The following SPHKAP variants were observed in gnomAD, a reference collection of about 807,000 sequenced individuals.
SPHKAP encodes SPHK1 interactor, AKAP domain containing.
In SPHKAP, 67 loss-of-function variants were observed where a neutral mutation model predicts 137.5. The ratio of observed to expected loss-of-function variants is 0.49; its 90% CI spans 0.40 to 0.60. The LOEUF (loss-of-function observed/expected upper bound fraction) is 0.60, where lower values mean the gene tolerates loss of function less well. SPHKAP is among the 20% of genes least tolerant of loss of function. The pLI, the probability that SPHKAP is intolerant of heterozygous loss-of-function variation, is 0.00. For missense variants in SPHKAP, 2,097 were observed against 2,069.3 expected (o/e 1.01, Z -0.26); for synonymous variants, 813 against 785.3 (o/e 1.04, Z -0.59).
At chr2:228,002,974 T>C (rs956377238) in intron 7 of SPHKAP, among the ~76,000 whole-genome samples, 2 of 150,118 alleles carry the variant, frequency 1.3e-5, no homozygotes, top group African/African-American at 4.9e-5. Context: ...ACTGTAGCCT[T>C]GTAGTATAGT....
chr2:228,134,285 CAG>C lies in SPHKAP; in HGVS notation c.33-2202_33-2201del, dbSNP rs142769101. On this transcript the variant is annotated intron_variant, in intron 1 of 11. Coordinates refer to ENST00000392056, the MANE Select transcript of SPHKAP (RefSeq NM_001142644.2). Reference sequence around the variant, plus strand: ...AGAAATAAAGAAGGAAGGAAAGAAACAGAGGAAGAAAGCAGGAAAAAGAAATT... The same window carrying C: ...AGAAATAAAGAAGGAAGGAAAGAAACAGGAAGAAAGCAGGAAAAAGAAATT... 6.5e-3 allele frequency among the ~76,000 whole-genome samples: 988 copies of C among 152,026 alleles called. 6 individuals are homozygous for C. Among genetic ancestry groups the C allele is most frequent in the Non-Finnish European group, 0.01 (702 of 67,942 alleles).
chr2:228,144,069 G>C (rs1699690962), intron 1 of SPHKAP, among the ~76,000 whole-genome samples: 2 of 152,108 alleles, frequency 1.3e-5, no homozygotes, highest in South Asian at 4.1e-4. Flanking sequence ...CGTGCGTTGA[G>C]ATCTGCACAT....
chr2:228,130,075 C>T (rs1209564411), intron 2 of SPHKAP, among the ~76,000 whole-genome samples: 2 of 152,126 alleles, frequency 1.3e-5, no homozygotes, highest in African/African-American at 2.4e-5. Context: ...GGATTACAGG[C>T]ATGAGCGACC....
intron 1 of SPHKAP, among the ~76,000 whole-genome samples, chr2:228,179,285 A>G (rs1014933860): frequency 1.3e-5 from 2 of 152,230 alleles, no homozygotes; most frequent in Non-Finnish European, 1.5e-5. Context: ...TTTGCTGATC[A>G]TTGTTGGTTT....
intron 1 of SPHKAP, among the ~76,000 whole-genome samples, chr2:228,152,448 G>A (rs1043257577): frequency 4.6e-5 from 7 of 151,812 alleles, no homozygotes; most frequent in African/African-American, 1.5e-4. Flanking sequence ...GTTTTCTTTG[G>A]TTAGCCATTG....
intron 1 of SPHKAP, among the ~76,000 whole-genome samples, chr2:228,158,726 C>G (rs1700183927): frequency 1.3e-5 from 2 of 152,154 alleles, no homozygotes; most frequent in South Asian, 4.1e-4. Flanking sequence ...TACCCAATGG[C>G]ATGTTGGATG....
In SPHKAP at chr2:227,980,073, C is replaced by T. The variant is rs994100027; in HGVS notation, c.*1644G>A. The T allele has an allele frequency of 1.3e-5, 2 of 152,586 alleles. No individual in the cohort carries two copies. The highest frequency in any genetic ancestry group is 2.9e-5 in the Non-Finnish European group (2 of 68,026). 9.5% of individuals were successfully genotyped at this position (152,586 alleles called of 1,614,324 possible). On this transcript the variant is annotated 3_prime_UTR_variant, in exon 12 of 12. Transcript: ENST00000392056. ...AGATAAGTAAACATTTATTTGAGCA[C>T]AACAAAAGTCTACACACAGTATTCT...
intron 7 of SPHKAP, among the ~76,000 whole-genome samples, chr2:228,003,557 T>C (rs1046133031): frequency 4.6e-5 from 7 of 152,154 alleles, no homozygotes; most frequent in Non-Finnish European, 8.8e-5. Context: ...CCTTTATTTC[T>C]TTCCCCTGCC....
chr2:228,130,698 GA>G (rs1699222621), intron 2 of SPHKAP, among the ~76,000 whole-genome samples: 1 of 152,142 alleles, frequency 6.6e-6, no homozygotes, highest in Non-Finnish European at 1.5e-5. Context: ...GAGTTCAACA[GA>G]GTATACCTAA....
chr2:228,180,804 G>T (rs1393557306), intron 1 of SPHKAP, among the ~76,000 whole-genome samples: 1 of 152,210 alleles, frequency 6.6e-6, no homozygotes, highest in Non-Finnish European at 1.5e-5. Flanking sequence ...TCTTAATTTC[G>T]CAAAGGACTG....
At position 228,016,724 on chromosome 2, in the gene SPHKAP, G is replaced by T; in HGVS notation, c.4130C>A (p.Thr1377Asn). The change falls in exon 7 of 12, where the codon ACC (threonine) becomes AAC (asparagine). Residue 1377 changes from threonine to asparagine, a missense_variant. By Grantham distance (65) the Thr-to-Asn change is moderately conservative (BLOSUM62 0). Transcript: ENST00000392056. ...TGACACTGGGGGCTGTTTACATTCG[G>T]TAACAGAGTCTTTCCTCGGGCAATC... ...SLDCPRKDSV[T>N]ECKQPPVSSL... The T allele has an allele frequency of 1.2e-6, 2 of 1,614,082 alleles. No homozygotes were observed. The highest frequency in any genetic ancestry group is 1.7e-6 in the Non-Finnish European group (2 of 1,180,014).
chr2:228,030,827 G>A (rs1053537481), intron 3 of SPHKAP, among the ~76,000 whole-genome samples: 1 of 151,854 alleles, frequency 6.6e-6, no homozygotes, highest in Non-Finnish European at 1.5e-5. Context: ...AGAAAAATAA[G>A]CTAGTTTTCC....
chr2:228,131,637 T>C (rs1699254129), intron 2 of SPHKAP: 2 of 322,652 alleles, frequency 6.2e-6, no homozygotes, highest in Non-Finnish European at 8.9e-6. Context: ...TTTAGTAACT[T>C]AATATAATAT....
chr2:228,030,513 CAAAAAAAAAAAAA>C (rs11287311), intron 3 of SPHKAP, among the ~76,000 whole-genome samples: 2 of 48,776 alleles, frequency 4.1e-5, no homozygotes, highest in South Asian at 1.4e-3. Context: ...GATACCATCT[CAAAAAAAAAAAAA>C]AAAAAACAAC....
intron 1 of SPHKAP, among the ~76,000 whole-genome samples, chr2:228,140,532 C>A (rs895637729): frequency 6.6e-6 from 1 of 152,088 alleles, no homozygotes; most frequent in Non-Finnish European, 1.5e-5. Context: ...GTGTGCTTTA[C>A]ATACTAATTT....
chr2:228,109,795 G>T (rs1343907375), intron 2 of SPHKAP, among the ~76,000 whole-genome samples: 1 of 151,602 alleles, frequency 6.6e-6, no homozygotes, highest in Non-Finnish European at 1.5e-5. Context: ...GTGGGACCTC[G>T]TTTCTACTAA....
At position 228,141,015 on chromosome 2, in the gene SPHKAP, A is replaced by G. The variant is rs4519515; in HGVS notation, c.33-8930T>C. Among the ~76,000 whole-genome samples the G allele has an allele frequency of 5.8e-4, 88 of 152,136 alleles. 1 individual carries two copies. The South Asian group carries it at 0.018, about 32-fold the overall frequency. On this transcript the variant is annotated intron_variant, in intron 1 of 11. Transcript: ENST00000392056. ...TTTATAGCAAAAAAACAGCCTAATA[A>G]GACAAGATTATATTGCTGCCAAATA...
At chr2:228,109,410 T>C in intron 2 of SPHKAP, 4 of 979,070 alleles carry the variant, frequency 4.1e-6, no homozygotes, top group Non-Finnish European at 4.9e-6. Context: ...GTACAATTTT[T>C]CTAGAACACC....
At chr2:228,111,775 C>G (rs2106351255) in intron 2 of SPHKAP, among the ~76,000 whole-genome samples, 1 of 152,154 alleles carries the variant, frequency 6.6e-6, no homozygotes, top group South Asian at 2.1e-4. Context: ...ATATGAATTT[C>G]TGCCCCAAAT....
Sources: gnomAD v4.1 joint callset for allele counts (sites outside exome capture counted in the v4.1 genomes callset) on GRCh38, gnomAD v4.1.1 for gene constraint, MANE v1.5 for transcripts, NCBI Gene and HGNC (gene_info 2026-07-23, HGNC 2026-07-21) for gene names.